The following CA10 variants were observed in gnomAD, a reference collection of about 807,000 sequenced individuals.
The protein encoded by CA10 is carbonic anhydrase 10 (inactive).
In CA10, 14 loss-of-function variants were observed where a neutral mutation model predicts 44.2. The observed-to-expected ratio is 0.32, with a 90% CI of 0.21 to 0.50. The LOEUF (loss-of-function observed/expected upper bound fraction) is 0.50. Among genes scored for constraint, CA10 ranks in the 20% least tolerant of loss-of-function variants. The pLI is 0.99. For synonymous variants in CA10, 159 were observed against 141.6 expected, an observed-to-expected ratio of 1.12 and a Z score of -0.87; for missense variants, 350 against 409.7, an observed-to-expected ratio of 0.85 and a Z score of 1.26.
rs571350625 is a variant in CA10, at chr17:52,075,622, G to A, written c.62-3229C>T. ...TTCTAACTATCTAATATGTTGCAGA[G>A]CATAGCATCTCTGTCCCCCTTTAGT... On this transcript the variant is annotated intron_variant, in intron 1 of 8. Transcript: ENST00000451037. Among the ~76,000 whole-genome samples the A allele has an allele frequency of 3.9e-5, 6 of 152,258 alleles. No individual in the cohort carries two copies. In the South Asian group the frequency reaches 1.0e-3, roughly 26 times the overall value.
chr17:51,880,707 T>C (rs1175822471), intron 3 of CA10, among the ~76,000 whole-genome samples: 2 of 152,166 alleles, frequency 1.3e-5, no homozygotes, highest in Admixed American at 6.5e-5. Flanking sequence ...GCCAATCTCC[T>C]ATAGGAAATC....
intron 3 of CA10, among the ~76,000 whole-genome samples, chr17:51,863,174 T>TA (rs1232630446): frequency 6.6e-6 from 1 of 152,170 alleles, no homozygotes; most frequent in Admixed American, 6.5e-5. Flanking sequence ...ATGTTTCACA[T>TA]AAAAAATAGT....
chr17:51,672,263 T>C (rs1382863336), intron 4 of CA10, among the ~76,000 whole-genome samples: 2 of 152,208 alleles, frequency 1.3e-5, no homozygotes, highest in Non-Finnish European at 2.9e-5. Context: ...GATGGCTCAA[T>C]GCCCAGTGTG....
chr17:51,732,921 A>G (rs1452797244), intron 4 of CA10, among the ~76,000 whole-genome samples: 1 of 152,220 alleles, frequency 6.6e-6, no homozygotes, highest in African/African-American at 2.4e-5. Flanking sequence ...GCAATGGAGT[A>G]GGAGTGAGTC....
chr17:52,013,929 G>A (rs1434738935), intron 2 of CA10, among the ~76,000 whole-genome samples: 1 of 151,812 alleles, frequency 6.6e-6, no homozygotes, highest in African/African-American at 2.4e-5. Flanking sequence ...CTGTTAATTC[G>A]TGTAAGCATA....
At chr17:51,681,854 A>G (rs1392346997) in intron 4 of CA10, among the ~76,000 whole-genome samples, 2 of 152,138 alleles carry the variant, frequency 1.3e-5, no homozygotes, top group Non-Finnish European at 2.9e-5. Context: ...TCCAGTGTCT[A>G]TAAGTCCATA....
intron 2 of CA10, among the ~76,000 whole-genome samples, chr17:51,932,274 T>C (rs1982696497): frequency 6.6e-6 from 1 of 152,096 alleles, no homozygotes; most frequent in Non-Finnish European, 1.5e-5. Context: ...CACATTAGCC[T>C]TCTTAAATGG....
intron 2 of CA10, among the ~76,000 whole-genome samples, chr17:52,022,001 TA>T (rs1986156532): frequency 6.6e-6 from 1 of 152,042 alleles, no homozygotes; most frequent in Non-Finnish European, 1.5e-5. Flanking sequence ...TACCAATCCT[TA>T]CTGAAACTAT....
intron 2 of CA10, among the ~76,000 whole-genome samples, chr17:51,932,181 G>A (rs1982691932): frequency 6.6e-6 from 1 of 152,066 alleles, no homozygotes; most frequent in Admixed American, 6.6e-5. Context: ...AGTATGTTAT[G>A]AGACTCCGGA....
At chr17:51,883,296 T>C (rs1980458401) in intron 3 of CA10, among the ~76,000 whole-genome samples, 1 of 152,210 alleles carries the variant, frequency 6.6e-6, no homozygotes, top group Admixed American at 6.5e-5. Context: ...TCTCTGTGTA[T>C]ACTCAATGTT....
intron 2 of CA10, among the ~76,000 whole-genome samples, chr17:52,071,042 A>T (rs142093341): frequency 1.4e-3 from 214 of 152,330 alleles, no homozygotes; most frequent in African/African-American, 5.0e-3. Flanking sequence ...GTATGTAAAC[A>T]TTCTATTTCT....
At chr17:51,722,860 G>A (rs1222360055) in intron 4 of CA10, among the ~76,000 whole-genome samples, 5 of 152,130 alleles carry the variant, frequency 3.3e-5, no homozygotes, top group Non-Finnish European at 7.3e-5. Context: ...AAGCCACATG[G>A]TCACTGGTAG....
At chr17:51,884,953 T>G (rs145417995) in intron 3 of CA10, among the ~76,000 whole-genome samples, 1 of 152,310 alleles carries the variant, frequency 6.6e-6, no homozygotes, top group South Asian at 2.1e-4. Context: ...CCTTTCTCTA[T>G]GAGGATATCA....
chr17:51,782,600 G>A (rs545459528), intron 3 of CA10, among the ~76,000 whole-genome samples: 1 of 152,280 alleles, frequency 6.6e-6, no homozygotes, highest in Admixed American at 6.5e-5. Flanking sequence ...AGAAAGAAAA[G>A]TATGATAGAT....
intron 1 of CA10, among the ~76,000 whole-genome samples, chr17:52,139,855 G>C (rs1218085484): frequency 6.6e-6 from 1 of 152,152 alleles, no homozygotes; most frequent in African/African-American, 2.4e-5. Flanking sequence ...ACTTTGCACA[G>C]TGCCTGTTAG....
At chr17:52,006,496 A>G (rs1263307399) in intron 2 of CA10, among the ~76,000 whole-genome samples, 1 of 151,672 alleles carries the variant, frequency 6.6e-6, no homozygotes, top group Non-Finnish European at 1.5e-5. Flanking sequence ...TGGAAGATCA[A>G]TTTTCATCAC....
chr17:51,794,129 T>C (rs1482448702), intron 3 of CA10, among the ~76,000 whole-genome samples: 2 of 152,220 alleles, frequency 1.3e-5, no homozygotes, highest in Non-Finnish European at 2.9e-5. Flanking sequence ...GAAAGGCCCA[T>C]GGAGAGAAGT....
At chr17:51,642,397 A>G (rs970446438) in intron 6 of CA10, among the ~76,000 whole-genome samples, 28 of 152,342 alleles carry the variant, frequency 1.8e-4, no homozygotes, top group African/African-American at 6.5e-4. Flanking sequence ...CAAAGAACTG[A>G]GAAGTATAAG....
intron 3 of CA10, among the ~76,000 whole-genome samples, chr17:51,800,412 C>A (rs1191686487): frequency 1.3e-5 from 2 of 152,066 alleles, no homozygotes; most frequent in Admixed American, 6.5e-5. Flanking sequence ...GAAAATTGAT[C>A]ATGGTGGTGG....
Sources: gnomAD v4.1 joint callset for allele counts (sites outside exome capture counted in the v4.1 genomes callset) on GRCh38, gnomAD v4.1.1 for gene constraint, MANE v1.5 for transcripts, NCBI Gene and HGNC (gene_info 2026-07-23, HGNC 2026-07-21) for gene names.